SIPA1L1: variants seen among roughly 807,000 people sequenced by gnomAD.
SIPA1L1 encodes signal-induced proliferation-associated 1-like protein 1.
A neutral mutation model predicts 162.7 loss-of-function variants in SIPA1L1; 26 were observed. The ratio of observed to expected loss-of-function variants is 0.16; its 90% CI spans 0.12 to 0.22. SIPA1L1 has a LOEUF of 0.22. Among genes scored for constraint, SIPA1L1 ranks in the 10% least tolerant of loss-of-function variants. The pLI is 1.00. For missense variants in SIPA1L1, 1,874 were observed against 2,241.0 expected, an observed-to-expected ratio of 0.84 and a Z score of 3.31; for synonymous variants, 829 against 837.4, an observed-to-expected ratio of 0.99 and a Z score of 0.17.
chr14:71,571,139 T>C (rs2031927407), intron 4 of SIPA1L1, among the ~76,000 whole-genome samples: 1 of 152,178 alleles, frequency 6.6e-6, no homozygotes, highest in Admixed American at 6.5e-5. Flanking sequence ...ACAAAATTTC[T>C]TCAAAATTGA....
At chr14:71,685,814 T>C (rs1053639697) in intron 13 of SIPA1L1, among the ~76,000 whole-genome samples, 183 bp downstream of exon 13, 1 of 152,202 alleles carries the variant, frequency 6.6e-6, no homozygotes, top group African/African-American at 2.4e-5. Context: ...TCAACAGAGA[T>C]TGATTCTAGC....
chr14:71,489,973 G>A (rs1192104735), intron 2 of SIPA1L1, among the ~76,000 whole-genome samples: 1 of 152,172 alleles, frequency 6.6e-6, no homozygotes, highest in Non-Finnish European at 1.5e-5. Context: ...TCAAAATATG[G>A]AGGGATTCTT....
intron 2 of SIPA1L1, among the ~76,000 whole-genome samples, chr14:71,417,469 CAAAAAAAAAAAAAAAAAAAAAAA>C (rs58628136): frequency 1.1e-4 from 2 of 17,766 alleles, no homozygotes; most frequent in Non-Finnish European, 2.1e-4. Context: ...GACTCCGTCT[CAAAAAAAAAAAAAAAAAAAAAAA>C]AAAAAAAAAA....
chr14:71,397,318 A>C (rs1463607748), intron 2 of SIPA1L1, among the ~76,000 whole-genome samples: 1 of 151,886 alleles, frequency 6.6e-6, no homozygotes, highest in Non-Finnish European at 1.5e-5. Context: ...CCTTACATTC[A>C]TTTCTTTCTT....
At chr14:71,501,526 G>C (rs1320285735) in intron 2 of SIPA1L1, among the ~76,000 whole-genome samples, 1 of 152,112 alleles carries the variant, frequency 6.6e-6, no homozygotes, top group African/African-American at 2.4e-5. Context: ...AAAACAGGCA[G>C]AACTAATCTG....
At chr14:71,496,534 G>T (rs1345975821) in intron 2 of SIPA1L1, among the ~76,000 whole-genome samples, 1 of 152,104 alleles carries the variant, frequency 6.6e-6, no homozygotes, top group East Asian at 1.9e-4. Context: ...CATTGCAAAT[G>T]GTCTAACCTG....
At chr14:71,338,233 A>G (rs1255535053) in intron 2 of SIPA1L1, among the ~76,000 whole-genome samples, 4 of 152,216 alleles carry the variant, frequency 2.6e-5, no homozygotes, top group African/African-American at 9.6e-5. Context: ...TGATTAATGC[A>G]TAGTTCATCA....
Position 71,724,709 on chromosome 14 carries a change from G to C in SIPA1L1, c.4488G>C (p.Arg1496Ser). ...QSDGNEIAHT[R>S]LRASTRDLRA... ...ATGGCAATGAAATAGCCCACACCAGGCTGCGTGCCTCAACCAGAGACCTCC... is the reference window on the plus strand; with the variant it reads ...ATGGCAATGAAATAGCCCACACCAGCCTGCGTGCCTCAACCAGAGACCTCC... Residue 1496 changes from arginine (R) to serine (S), a missense_variant, in exon 19 of 24, where the codon AGG becomes AGC. Physicochemically the swap from Arg to Ser is moderately radical, Grantham distance 110. Transcript: ENST00000381232. The C allele has an allele frequency of 6.2e-7, 1 of 1,614,096 alleles. No individual in the cohort carries two copies. Among genetic ancestry groups the C allele is most frequent in the Non-Finnish European group, 8.5e-7 (1 of 1,180,006 alleles).
At chr14:71,392,352 T>C (rs2040828688) in intron 2 of SIPA1L1, among the ~76,000 whole-genome samples, 1 of 152,188 alleles carries the variant, frequency 6.6e-6, no homozygotes, top group Non-Finnish European at 1.5e-5. Context: ...GTGAAGTCCT[T>C]GCATAATGTG....
chr14:71,657,333 G>A (rs527472765), intron 8 of SIPA1L1, among the ~76,000 whole-genome samples: 15 of 139,178 alleles, frequency 1.1e-4, no homozygotes, highest in African/African-American at 3.8e-4. Flanking sequence ...GGGCGACAGA[G>A]TGAGACTGTC....
chr14:71,445,520 A>T (rs570307490), intron 2 of SIPA1L1, among the ~76,000 whole-genome samples: 10 of 152,104 alleles, frequency 6.6e-5, no homozygotes, highest in African/African-American at 2.4e-4. Context: ...TAGTTTTTAG[A>T]TGTGCATGGG....
chr14:71,676,443 C>A (rs1423782566), intron 12 of SIPA1L1, among the ~76,000 whole-genome samples: 2 of 150,764 alleles, frequency 1.3e-5, no homozygotes, highest in Admixed American at 6.6e-5. Context: ...CTTTCTGAGC[C>A]CCTACTAGGT....
rs772922028 is a variant in SIPA1L1 at position 71,589,048 on chromosome 14, G to A, written c.1176G>A (p.Leu392=). The change falls in exon 5 of 24, where the codon CTG becomes CTA. Residue 392 remains leucine, a synonymous_variant. Coordinates refer to ENST00000381232, the MANE Select transcript of SIPA1L1 (RefSeq NM_001386936.1). ...FSSPMGSTED[L]NSKGSLSMDQ... is the part of the protein sequence containing the mutation. Reference sequence around the variant, plus strand: ...CCCCAATGGGCAGCACAGAGGACCTGAATTCCAAAGGAAGCCTCAGCATGG... The same window carrying A: ...CCCCAATGGGCAGCACAGAGGACCTAAATTCCAAAGGAAGCCTCAGCATGG... The A allele has an allele frequency of 1.1e-5, 17 of 1,614,000 alleles. No individual in the cohort carries two copies. The highest frequency in any genetic ancestry group is 1.3e-5 in the African/African-American group (1 of 74,924).
intron 10 of SIPA1L1, among the ~76,000 whole-genome samples, chr14:71,666,878 A>G (rs550909388): frequency 8.2e-4 from 124 of 151,916 alleles, no homozygotes; most frequent in African/African-American, 2.9e-3. Flanking sequence ...TAAAAAAAAA[A>G]AAAAAAAAAA....
intron 2 of SIPA1L1, among the ~76,000 whole-genome samples, chr14:71,396,436 T>C (rs2041207118): frequency 6.6e-6 from 1 of 152,234 alleles, no homozygotes; most frequent in Admixed American, 6.5e-5. Context: ...CTAATTTTTA[T>C]GCTCCTGGCC....
intron 2 of SIPA1L1, among the ~76,000 whole-genome samples, chr14:71,476,119 C>G (rs2047829021): frequency 6.6e-6 from 1 of 152,170 alleles, no homozygotes; most frequent in South Asian, 2.1e-4. Context: ...TTTCTGTGAC[C>G]TTTTCCTTTT....
chr14:71,514,530 T>C (rs938455663), intron 3 of SIPA1L1, among the ~76,000 whole-genome samples: 1 of 152,190 alleles, frequency 6.6e-6, no homozygotes, highest in Non-Finnish European at 1.5e-5. Flanking sequence ...TACCTTTCCC[T>C]GGTGCTGCCT....
chr14:71,448,588 T>C (rs186377434), intron 2 of SIPA1L1: 1 of 152,322 alleles, frequency 6.6e-6, no homozygotes, highest in Admixed American at 6.5e-5. Context: ...ATAAGTGGAA[T>C]TGGGGAAAGC....
chr14:71,520,669 C>A (rs2052241883), intron 3 of SIPA1L1, among the ~76,000 whole-genome samples: 1 of 152,116 alleles, frequency 6.6e-6, no homozygotes, highest in Non-Finnish European at 1.5e-5. Context: ...CATGATAGTT[C>A]ATGTTACAGG....
Sources: allele counts gnomAD v4.1 joint callset (sites outside exome capture counted in the v4.1 genomes callset), GRCh38; gene constraint gnomAD v4.1.1; transcripts MANE v1.5; gene names NCBI Gene and HGNC (gene_info 2026-07-23, HGNC 2026-07-21).